The following ZNF536 variants were observed in gnomAD, a reference collection of about 807,000 sequenced individuals.
ZNF536 encodes the protein zinc finger protein 536.
In ZNF536, 13 loss-of-function variants were observed where a neutral mutation model predicts 84.5. That is an observed-to-expected ratio of 0.15 (90% confidence interval 0.10 to 0.24). The LOEUF (loss-of-function observed/expected upper bound fraction) is 0.24, where lower values mean the gene tolerates loss of function less well. Ranked by LOEUF, ZNF536 falls within the 10% of genes least tolerant of loss-of-function variation. ZNF536 has a pLI of 1.00. For missense variants in ZNF536, 1,536 were observed against 1,747.5 expected (o/e 0.88, Z 2.16); for synonymous variants, 811 against 742.5 (o/e 1.09, Z -1.50).
intron 1 of ZNF536, among the ~76,000 whole-genome samples, chr19:30,229,578 G>GGC (rs1555770119): frequency 2.6e-5 from 4 of 152,196 alleles, no homozygotes; most frequent in African/African-American, 9.6e-5. Flanking sequence ...TGGTGGGGGG[G>GGC]GCTCAGCTTT....
At chr19:30,398,464 C>T (rs1008881472) in intron 1 of ZNF536, among the ~76,000 whole-genome samples, 21 of 151,352 alleles carry the variant, frequency 1.4e-4, no homozygotes, top group African/African-American at 4.9e-4. Context: ...TAGGTATACA[C>T]ACGCCATGGT....
At chr19:30,257,616 G>A (rs1187085021) in intron 1 of ZNF536, among the ~76,000 whole-genome samples, 1 of 152,228 alleles carries the variant, frequency 6.6e-6, no homozygotes, top group Non-Finnish European at 1.5e-5. Flanking sequence ...GCTAGCAGCT[G>A]ACCAGCTTTA....
chr19:30,679,930 G>A (rs1252272751), intron 1 of ZNF536, among the ~76,000 whole-genome samples: 1 of 152,048 alleles, frequency 6.6e-6, no homozygotes, highest in Non-Finnish European at 1.5e-5. Context: ...AGGTGAACGA[G>A]TTTCCTGCCA....
At chr19:30,694,670 A>G (rs2051576478) in intron 1 of ZNF536, among the ~76,000 whole-genome samples, 1 of 142,180 alleles carries the variant, frequency 7.0e-6, no homozygotes. Context: ...TTGGCAATGA[A>G]TTACATTTTT....
intron 2 of ZNF536, among the ~76,000 whole-genome samples, chr19:30,448,476 TAAAG>T (rs948575587): frequency 6.6e-6 from 1 of 152,216 alleles, no homozygotes; most frequent in Non-Finnish European, 1.5e-5. Context: ...AGCCCTTAAG[TAAAG>T]AAAGAAGTAC....
intron 1 of ZNF536, among the ~76,000 whole-genome samples, chr19:30,283,294 G>C (rs1028169266): frequency 6.6e-6 from 1 of 152,186 alleles, no homozygotes; most frequent in Non-Finnish European, 1.5e-5. Context: ...GAGTGGGCTG[G>C]AGATCACAGG....
chr19:30,355,414 G>C (rs1379485397), intron 3 of ZNF536, among the ~76,000 whole-genome samples: 1 of 151,950 alleles, frequency 6.6e-6, no homozygotes, highest in Non-Finnish European at 1.5e-5. Context: ...TTGGAGACAG[G>C]GTCTCACTGT....
intron 2 of ZNF536, among the ~76,000 whole-genome samples, chr19:30,306,986 T>A (rs1003440890): frequency 4.5e-4 from 69 of 151,846 alleles, no homozygotes; most frequent in Non-Finnish European, 9.0e-4. Flanking sequence ...ACAGAAAAAA[T>A]TATATTTTTA....
chr19:30,610,712 G>C (rs1372818483), intron 1 of ZNF536, among the ~76,000 whole-genome samples: 2 of 152,174 alleles, frequency 1.3e-5, no homozygotes, highest in East Asian at 3.9e-4. Flanking sequence ...GTTTCCCTCT[G>C]AACCAAGGAC....
chr19:30,708,008 CAAA>C (rs60270540), intron 1 of ZNF536, among the ~76,000 whole-genome samples: 15 of 102,906 alleles, frequency 1.5e-4, no homozygotes, highest in Non-Finnish European at 1.2e-4. Flanking sequence ...GAGACTCCAT[CAAA>C]AAAAAAAAAA....
chr19:30,519,592 C>A (rs536389150), intron 2 of ZNF536, among the ~76,000 whole-genome samples: 1 of 152,344 alleles, frequency 6.6e-6, no homozygotes, highest in South Asian at 2.1e-4. Context: ...CTGTGGCAGC[C>A]TGTCCACTCA....
intron 1 of ZNF536, among the ~76,000 whole-genome samples, chr19:30,408,574 AG>A (rs2050357042): frequency 6.6e-6 from 1 of 152,200 alleles, no homozygotes; most frequent in African/African-American, 2.4e-5. Context: ...CAATTTCAGC[AG>A]CTGGGAGGGA....
At chr19:30,547,593 A>G (rs1599761475) in intron 3 of ZNF536, among the ~76,000 whole-genome samples, 1 of 152,334 alleles carries the variant, frequency 6.6e-6, no homozygotes, top group Non-Finnish European at 1.5e-5. Context: ...CATTTGTTAC[A>G]TACTTTCTCT....
rs188381982 is a variant in ZNF536 at position 30,421,569 on chromosome 19, C to T, written c.-2-21992C>T. ...TAGAGATGAGAGTCTCACCATGTTACCCAAGCTGTTCTCAAATGCCTGGAC... is the reference window on the plus strand; with the variant it reads ...TAGAGATGAGAGTCTCACCATGTTATCCAAGCTGTTCTCAAATGCCTGGAC... On this transcript the variant is annotated intron_variant, in intron 1 of 4. Coordinates refer to ENST00000355537, the MANE Select transcript of ZNF536 (RefSeq NM_014717.3). Among the ~76,000 whole-genome samples the T allele has an allele frequency of 2.6e-5, 4 of 152,238 alleles. No homozygotes were observed. The East Asian group carries it at 7.7e-4, about 29-fold the overall frequency.
chr19:30,709,613 G>GT (rs1175534466), intron 1 of ZNF536, among the ~76,000 whole-genome samples: 2 of 152,038 alleles, frequency 1.3e-5, no homozygotes, highest in Non-Finnish European at 2.9e-5. Context: ...CTATTGCCTG[G>GT]TTTTTTGTTT....
chr19:30,483,333 T>A (rs2054163702), intron 2 of ZNF536, among the ~76,000 whole-genome samples: 1 of 152,106 alleles, frequency 6.6e-6, no homozygotes, highest in Non-Finnish European at 1.5e-5. Flanking sequence ...GGGAAATGCA[T>A]CAGAGTCCCA....
chr19:30,300,340 C>T (rs2046138609), intron 2 of ZNF536: 1 of 152,158 alleles, frequency 6.6e-6, no homozygotes, highest in South Asian at 2.1e-4. Flanking sequence ...CATTTATTTC[C>T]TGGGGTCTCT....
chr19:30,467,879 G>C (rs1194918082), intron 2 of ZNF536, among the ~76,000 whole-genome samples: 1 of 152,238 alleles, frequency 6.6e-6, no homozygotes, highest in Non-Finnish European at 1.5e-5. Flanking sequence ...GAGGCACCCT[G>C]GTATAGCTCC....
chr19:30,514,604 C>T, intron 2 of ZNF536, among the ~76,000 whole-genome samples: 1 of 151,978 alleles, frequency 6.6e-6, no homozygotes, highest in Middle Eastern at 3.2e-3. Context: ...TGCAGCTCTT[C>T]TGGTGGCTTT....
Sources: allele counts gnomAD v4.1 joint callset (sites outside exome capture counted in the v4.1 genomes callset), GRCh38; gene constraint gnomAD v4.1.1; transcripts MANE v1.5; gene names NCBI Gene and HGNC (gene_info 2026-07-23, HGNC 2026-07-21).